The following PARD3B variants were observed in gnomAD, a reference collection of about 807,000 sequenced individuals.
The protein encoded by PARD3B is partitioning defective 3 homolog B.
PARD3B carries 103 observed loss-of-function variants against 130.2 expected under a neutral mutation model. The ratio of observed to expected loss-of-function variants is 0.79; its 90% CI spans 0.67 to 0.93. The LOEUF (loss-of-function observed/expected upper bound fraction) is 0.93, where lower values mean the gene tolerates loss of function less well. Among genes scored for constraint, PARD3B ranks in the 40% least tolerant of loss-of-function variants. The probability of loss-of-function intolerance (pLI) is 0.00; values close to 1 mark genes in which losing one functional copy is unlikely to be tolerated. For synonymous variants in PARD3B, 583 were observed against 553.2 expected, an observed-to-expected ratio of 1.05 and a Z score of -0.76; for missense variants, 1,609 against 1,499.2, an observed-to-expected ratio of 1.07 and a Z score of -1.21.
intron 2 of PARD3B, among the ~76,000 whole-genome samples, chr2:204,732,219 G>A (rs2039543250): frequency 6.6e-6 from 1 of 151,982 alleles, no homozygotes; most frequent in African/African-American, 2.4e-5. Context: ...AAGAAAGATT[G>A]GATTATGAAA....
At chr2:205,323,203 C>T (rs1281365287) in intron 18 of PARD3B, among the ~76,000 whole-genome samples, 1 of 152,038 alleles carries the variant, frequency 6.6e-6, no homozygotes, top group East Asian at 1.9e-4. Context: ...GCCACCGTGC[C>T]TGGCCTAACA....
rs1217839513 is a variant in PARD3B at position 205,121,182 on chromosome 2, T to C, written c.807-409T>C. Reference sequence around the variant, plus strand: ...AAAAGAAACCTAACTAATGATCTGATCCAAAATATCTATTTTGCTTTTTAT... The same window carrying C: ...AAAAGAAACCTAACTAATGATCTGACCCAAAATATCTATTTTGCTTTTTAT... On this transcript the variant is annotated intron_variant, in intron 7 of 22. Coordinates refer to ENST00000406610, the MANE Select transcript of PARD3B (RefSeq NM_001302769.2). This position sits in a 1 kb window ranked among gnomAD's most constrained non-coding sequence, Gnocchi z 5.0. 6.6e-6 allele frequency among the ~76,000 whole-genome samples: 1 copy of C among 152,228 alleles called. No homozygotes were observed. Among genetic ancestry groups the C allele is most frequent in the Admixed American group, 6.5e-5 (1 of 15,284 alleles).
chr2:205,412,518 T>G (rs1186150051), intron 19 of PARD3B, among the ~76,000 whole-genome samples: 1 of 152,204 alleles, frequency 6.6e-6, no homozygotes, highest in Middle Eastern at 3.2e-3. Context: ...AATGAATCAG[T>G]GATAATTGCT....
intron 2 of PARD3B, among the ~76,000 whole-genome samples, chr2:204,952,804 C>CT (rs980910776): frequency 6.6e-6 from 1 of 151,914 alleles, no homozygotes; most frequent in African/African-American, 2.4e-5. Context: ...GGAGACCATC[C>CT]TGGCTAACAT....
chr2:205,482,971 C>T (rs576178585), intron 20 of PARD3B, among the ~76,000 whole-genome samples: 1 of 152,072 alleles, frequency 6.6e-6, no homozygotes, highest in African/African-American at 2.4e-5. Flanking sequence ...CTGTGAGCGG[C>T]TGAATTCCAG....
chr2:204,900,632 T>A (rs1478077092), intron 2 of PARD3B, among the ~76,000 whole-genome samples: 1 of 152,216 alleles, frequency 6.6e-6, no homozygotes, highest in African/African-American at 2.4e-5. Flanking sequence ...GGTGCCTTAC[T>A]TGTTTGTTTT....
At chr2:204,628,278 G>T (rs199751057) in intron 1 of PARD3B, among the ~76,000 whole-genome samples, 2 of 147,352 alleles carry the variant, frequency 1.4e-5, no homozygotes, top group East Asian at 2.0e-4. Context: ...CTAAATTCCC[G>T]TTTTTTTTTT....
In PARD3B at chr2:205,300,442, T is replaced by A; in HGVS notation, c.2186-88T>A. ...CCCACTTAACACCCCTTTTTTGGGATGTCCAGACAGAAATATTCTTAGAAC... is the reference window on the plus strand; with the variant it reads ...CCCACTTAACACCCCTTTTTTGGGAAGTCCAGACAGAAATATTCTTAGAAC... On this transcript the variant is annotated intron_variant, in intron 16 of 22. Coordinates refer to ENST00000406610, the MANE Select transcript of PARD3B (RefSeq NM_001302769.2). This position sits in a 1 kb window ranked among gnomAD's most constrained non-coding sequence, Gnocchi z 4.1. 1 of 1,261,992 alleles carries A rather than the reference T, an allele frequency of 7.9e-7. No homozygotes were observed. Among genetic ancestry groups the A allele is most frequent in the South Asian group, 1.3e-5 (1 of 76,144 alleles). The allele number at this position is 1,261,992 out of a possible 1,614,324, so 78.2% of individuals were successfully genotyped here.
chr2:204,782,526 G>A (rs1574970980), intron 2 of PARD3B, among the ~76,000 whole-genome samples: 1 of 148,974 alleles, frequency 6.7e-6, no homozygotes, highest in Non-Finnish European at 1.5e-5. Flanking sequence ...GTATGTAATC[G>A]GTATGTTATT....
chr2:204,579,335 C>G lies in PARD3B; in HGVS notation c.120+33216C>G, dbSNP rs1322480494. Among the ~76,000 whole-genome samples, 4 of 152,002 alleles carry G rather than the reference C, an allele frequency of 2.6e-5. No homozygotes were observed. The East Asian group carries it at 7.8e-4, about 30-fold the overall frequency. On this transcript the variant is annotated intron_variant, in intron 1 of 22. Coordinates refer to ENST00000406610, the MANE Select transcript of PARD3B (RefSeq NM_001302769.2). Reference sequence around the variant, plus strand: ...AAGGCCAGGGTCCGGTCCCTCCTGACAGTACTCTTGTGCCCCTCGAGCAGC... The same window carrying G: ...AAGGCCAGGGTCCGGTCCCTCCTGAGAGTACTCTTGTGCCCCTCGAGCAGC...
intron 22 of PARD3B, among the ~76,000 whole-genome samples, chr2:205,583,874 A>G (rs1459644735): frequency 6.6e-6 from 1 of 152,088 alleles, no homozygotes; most frequent in African/African-American, 2.4e-5. Flanking sequence ...AACTCTGTCT[A>G]CACAACCTGT....
chr2:205,553,089 G>T (rs988433503), intron 21 of PARD3B, among the ~76,000 whole-genome samples: 9 of 152,222 alleles, frequency 5.9e-5, no homozygotes, highest in African/African-American at 2.2e-4. Context: ...ATGGGGACAT[G>T]AGGGAGTCAG....
chr2:205,402,256 A>G (rs1574931109), intron 19 of PARD3B, among the ~76,000 whole-genome samples: 1 of 152,232 alleles, frequency 6.6e-6, no homozygotes, highest in Admixed American at 6.5e-5. Context: ...GTTGTTGACT[A>G]TTCACCTGAC....
chr2:205,217,828 G>GTA (rs2038006734), intron 15 of PARD3B, among the ~76,000 whole-genome samples: 2 of 118,552 alleles, frequency 1.7e-5, no homozygotes, highest in African/African-American at 7.0e-5. Flanking sequence ...ATATGTGTGT[G>GTA]TATATATGTG....
intron 2 of PARD3B, among the ~76,000 whole-genome samples, chr2:204,880,111 C>G (rs1355301187): frequency 6.6e-6 from 1 of 152,126 alleles, no homozygotes; most frequent in Non-Finnish European, 1.5e-5. Context: ...GGGAAAAAGA[C>G]TGGATCCATG....
At chr2:204,701,159 C>T (rs889382206) in intron 2 of PARD3B, among the ~76,000 whole-genome samples, 1 of 152,032 alleles carries the variant, frequency 6.6e-6, no homozygotes, top group African/African-American at 2.4e-5. Flanking sequence ...ATGTATTTGG[C>T]CCATCCTTGT....
At chr2:205,484,910 G>A (rs1165523193) in intron 20 of PARD3B, among the ~76,000 whole-genome samples, 3 of 152,056 alleles carry the variant, frequency 2.0e-5, no homozygotes, top group Admixed American at 1.3e-4. Context: ...TTTTTTATTC[G>A]TTTTCACTGT....
At chr2:205,275,696 G>A (rs1309818058) in intron 16 of PARD3B, among the ~76,000 whole-genome samples, 1 of 151,810 alleles carries the variant, frequency 6.6e-6, no homozygotes, top group Admixed American at 6.6e-5. Flanking sequence ...AATTAGCCGG[G>A]CATGGTGGCA....
chr2:204,849,211 T>C (rs1337777380), intron 2 of PARD3B, among the ~76,000 whole-genome samples: 1 of 152,184 alleles, frequency 6.6e-6, no homozygotes, highest in African/African-American at 2.4e-5. Context: ...ATTAGAGTGC[T>C]GTCATTTTTC....
Sources: allele counts gnomAD v4.1 joint callset (sites outside exome capture counted in the v4.1 genomes callset), GRCh38; gene constraint gnomAD v4.1.1; non-coding constraint Gnocchi (gnomAD v3.1); transcripts MANE v1.5; gene names NCBI Gene and HGNC (gene_info 2026-07-23, HGNC 2026-07-21).